Variants in DYNC1I2 observed in about 807,000 individuals in gnomAD.
DYNC1I2 encodes dynein cytoplasmic 1 intermediate chain 2, also known as cytoplasmic dynein 1 intermediate chain 2.
Under a neutral mutation model 88.6 loss-of-function variants are expected in DYNC1I2, and 53 were observed. The ratio of observed to expected loss-of-function variants is 0.60; its 90% CI spans 0.48 to 0.75. DYNC1I2 has a LOEUF of 0.75. Ranked by LOEUF, DYNC1I2 falls within the 30% of genes least tolerant of loss-of-function variation. DYNC1I2 has a pLI of 0.00. For synonymous variants in DYNC1I2, 198 were observed against 254.6 expected (o/e 0.78, Z 2.12); for missense variants, 458 against 766.6 (o/e 0.60, Z 4.75).
intron 15 of DYNC1I2, among the ~76,000 whole-genome samples, chr2:171,731,444 G>T (rs1023530708): frequency 6.6e-6 from 1 of 152,058 alleles, no homozygotes; most frequent in African/African-American, 2.4e-5. Flanking sequence ...AGTGTGTTTT[G>T]TCATAAAATT....
At chr2:171,741,020 T>G (rs1041246942) in intron 15 of DYNC1I2, among the ~76,000 whole-genome samples, 24 of 152,220 alleles carry the variant, frequency 1.6e-4, no homozygotes, top group Non-Finnish European at 4.4e-5. Flanking sequence ...TCTTTGGGTC[T>G]GCCTGTTATG....
At chr2:171,722,414 A>C (rs1420143421) in intron 7 of DYNC1I2, among the ~76,000 whole-genome samples, 1 of 152,172 alleles carries the variant, frequency 6.6e-6, no homozygotes, top group African/African-American at 2.4e-5. Flanking sequence ...TCCTTGTCAG[A>C]GAAAGCGTGG....
chr2:171,708,890 G>A (rs1686889370), intron 5 of DYNC1I2, among the ~76,000 whole-genome samples: 1 of 151,730 alleles, frequency 6.6e-6, no homozygotes, highest in South Asian at 2.1e-4. Context: ...ACAGGGTTTT[G>A]CCATATTGCC....
chr2:171,704,113 A>G (rs1042754880), intron 3 of DYNC1I2, among the ~76,000 whole-genome samples: 1 of 152,124 alleles, frequency 6.6e-6, no homozygotes, highest in East Asian at 1.9e-4. Context: ...ACTTAATGCT[A>G]ATTCTAAATC....
At chr2:171,706,969 C>A in intron 4 of DYNC1I2, 1 of 473,946 alleles carries the variant, frequency 2.1e-6, no homozygotes, top group Non-Finnish European at 3.7e-6. Context: ...GAATGCTCTC[C>A]TTTGAAAATT....
At chr2:171,745,329 A>G (rs904978662) in intron 16 of DYNC1I2, among the ~76,000 whole-genome samples, 28 of 152,198 alleles carry the variant, frequency 1.8e-4, no homozygotes, top group African/African-American at 6.0e-4. Flanking sequence ...CACCTTCAGT[A>G]TGAACCGTTT....
At position 171,731,090 on chromosome 2, in the gene DYNC1I2, C is replaced by T. The variant is rs74787857; in HGVS notation, c.1536+1237C>T. On this transcript the variant is annotated intron_variant, in intron 15 of 17. Coordinates refer to ENST00000397119, the MANE Select transcript of DYNC1I2 (RefSeq NM_001378.3). ...CACAGTGTCCAGCAAATAATAGGCA[C>T]TTACCAATGTTTAGTTTCTCTTTTA... 7.3e-4 allele frequency among the ~76,000 whole-genome samples: 111 copies of T among 152,318 alleles called. 3 individuals are homozygous for T. Among genetic ancestry groups the T allele is most frequent in the East Asian group, 7.1e-3 (37 of 5,186 alleles).
In DYNC1I2 at chr2:171,690,130, G is replaced by T; in HGVS notation, c.-9-17G>T. 6.9e-7 allele frequency: 1 copy of T among 1,452,372 alleles called. No individual in the cohort carries two copies. The highest frequency in any genetic ancestry group is 9.3e-7 in the Non-Finnish European group (1 of 1,070,216). The allele number at this position is 1,452,372 out of a possible 1,614,324, so 90.0% of individuals were successfully genotyped here. On this transcript the variant is annotated splice_polypyrimidine_tract_variant and intron_variant, in intron 1 of 17. Coordinates refer to ENST00000397119, the MANE Select transcript of DYNC1I2 (RefSeq NM_001378.3). ...ACTGTGCTGCTTTTACTAACATAATGATTATATGTTTCTAAGGTCACAAAC... is the reference window on the plus strand; with the variant it reads ...ACTGTGCTGCTTTTACTAACATAATTATTATATGTTTCTAAGGTCACAAAC...
rs2276662 is a variant in DYNC1I2 at position 171,726,941 on chromosome 2, C to T, written c.996+25C>T. On this transcript the variant is annotated intron_variant, in intron 11 of 17. Coordinates refer to ENST00000397119, the MANE Select transcript of DYNC1I2 (RefSeq NM_001378.3). Reference sequence around the variant, plus strand: ...GGTATGGTGGTCTTTTAACAGTCTTCGCCTCAAGTTTAAGAATTCATTGAT... The same window carrying T: ...GGTATGGTGGTCTTTTAACAGTCTTTGCCTCAAGTTTAAGAATTCATTGAT... The T allele has an allele frequency of 1.9e-5, 29 of 1,548,974 alleles. No homozygotes were observed. In the East Asian group the frequency reaches 6.5e-4, roughly 34 times the overall value.
At chr2:171,744,279 T>C (rs1689640156) in intron 16 of DYNC1I2, 90 bp downstream of exon 16, 1 of 1,336,360 alleles carries the variant, frequency 7.5e-7, no homozygotes, top group Non-Finnish European at 1.0e-6. Flanking sequence ...TTCCAAAGAA[T>C]GTAAAAGGGT....
chr2:171,690,112 T>G, intron 1 of DYNC1I2, 35 bp from the exon 2 acceptor site: 1 of 1,372,086 alleles, frequency 7.3e-7, no homozygotes, highest in Non-Finnish European at 9.9e-7. Context: ...TCAACTGTGC[T>G]GCTTTTACTA....
intron 3 of DYNC1I2, among the ~76,000 whole-genome samples, chr2:171,704,263 G>T (rs1388430525): frequency 6.6e-6 from 1 of 151,570 alleles, no homozygotes; most frequent in Non-Finnish European, 1.5e-5. Flanking sequence ...TTGCCTTTTT[G>T]TCCTGGATAG....
At chr2:171,689,557 T>A (rs982739954) in intron 1 of DYNC1I2, among the ~76,000 whole-genome samples, 2 of 152,180 alleles carry the variant, frequency 1.3e-5, no homozygotes, top group Non-Finnish European at 2.9e-5. Context: ...TATATTGTCA[T>A]CAAAAACTTT....
chr2:171,736,902 T>C (rs1433131876), intron 15 of DYNC1I2, among the ~76,000 whole-genome samples: 1 of 152,214 alleles, frequency 6.6e-6, no homozygotes, highest in Non-Finnish European at 1.5e-5. Context: ...GTAGGGACTA[T>C]CTTTGTTATT....
intron 3 of DYNC1I2, among the ~76,000 whole-genome samples, chr2:171,697,963 A>G (rs768270762): frequency 7.9e-5 from 12 of 152,206 alleles, no homozygotes; most frequent in Non-Finnish European, 1.0e-4. Flanking sequence ...ATATTGTATC[A>G]TATTAGTAGC....
At chr2:171,709,863 A>G (rs1383668944) in intron 5 of DYNC1I2, among the ~76,000 whole-genome samples, 1 of 152,062 alleles carries the variant, frequency 6.6e-6, no homozygotes, top group African/African-American at 2.4e-5. Context: ...GATTACAAGC[A>G]TGCACAACCG....
chr2:171,690,670 T>G (rs1685335340), intron 2 of DYNC1I2, among the ~76,000 whole-genome samples: 1 of 150,834 alleles, frequency 6.6e-6, no homozygotes, highest in South Asian at 2.1e-4. Context: ...TTTTTTTTTT[T>G]TGAGACTGGG....
chr2:171,736,839 T>C (rs561978237), intron 15 of DYNC1I2, among the ~76,000 whole-genome samples: 1 of 152,322 alleles, frequency 6.6e-6, no homozygotes, highest in South Asian at 2.1e-4. Flanking sequence ...TGATGACATA[T>C]TTATTTCCCA....
chr2:171,697,714 C>T (rs1178232218), intron 3 of DYNC1I2, among the ~76,000 whole-genome samples: 4 of 151,772 alleles, frequency 2.6e-5, no homozygotes, highest in Non-Finnish European at 4.4e-5. Context: ...CAAAATTAGC[C>T]AGGCATGATA....
Sources: gnomAD v4.1 joint callset for allele counts (sites outside exome capture counted in the v4.1 genomes callset) on GRCh38, gnomAD v4.1.1 for gene constraint, MANE v1.5 for transcripts, NCBI Gene and HGNC (gene_info 2026-07-23, HGNC 2026-07-21) for gene names.